The following IL17RA variants were observed in gnomAD, a reference collection of about 807,000 sequenced individuals.
The protein encoded by IL17RA is interleukin-17 receptor A.
IL17RA carries 34 observed loss-of-function variants against 50.4 expected under a neutral mutation model. That is an observed-to-expected ratio of 0.67 (90% confidence interval 0.51 to 0.90). The LOEUF is 0.90. IL17RA is among the 40% of genes least tolerant of loss of function. The probability of loss-of-function intolerance (pLI) is 0.00; values close to 1 mark genes in which losing one functional copy is unlikely to be tolerated. For synonymous variants in IL17RA, 585 were observed against 510.4 expected (o/e 1.15, Z -1.97); for missense variants, 1,276 against 1,169.8 (o/e 1.09, Z -1.32).
At position 17,109,502 on chromosome 22, in the gene IL17RA, C is replaced by G. The variant is rs762259577; in HGVS notation, c.2283C>G (p.Ser761Arg). Residue 761 changes from serine to arginine, a missense_variant, in exon 13 of 13, where the codon AGC becomes AGG. By Grantham distance (110) the Ser-to-Arg change is moderately radical. Transcript: ENST00000319363. ...LMLSLFEQSL[S>R]CQAQGGCSRP... ...TCTCGCTCTTCGAGCAGAGTCTGAG[C>G]TGCCAGGCCCAGGGGGGCTGCAGTA... The G allele has an allele frequency of 5.6e-6, 9 of 1,603,558 alleles. No homozygotes were observed. Among genetic ancestry groups the G allele is most frequent in the Non-Finnish European group, 5.1e-6 (6 of 1,174,906 alleles).
Position 17,103,474 on chromosome 22 carries a change from A to T in IL17RA, c.763-20A>T. 6.2e-7 allele frequency: 1 copy of T among 1,610,182 alleles called. No individual in the cohort carries two copies. Among genetic ancestry groups the T allele is most frequent in the Non-Finnish European group, 8.5e-7 (1 of 1,177,224 alleles). On this transcript the variant is annotated intron_variant, in intron 7 of 12. Transcript: ENST00000319363. Reference sequence around the variant, plus strand: ...TTACCCATCCCAACTAGCCTTACCCATCCTCGCCTCTCTCCTCAGCCCAGA... The same window carrying T: ...TTACCCATCCCAACTAGCCTTACCCTTCCTCGCCTCTCTCCTCAGCCCAGA...
At chr22:17,099,921 G>T (rs1348849290) in intron 4 of IL17RA, among the ~76,000 whole-genome samples, 2 of 152,198 alleles carry the variant, frequency 1.3e-5, no homozygotes, top group African/African-American at 4.8e-5. Flanking sequence ...GTCTCAAGAG[G>T]TTCCTGGCTT....
At chr22:17,088,477 C>CCTGTAAT (rs2123789600) in intron 1 of IL17RA, among the ~76,000 whole-genome samples, 2 of 151,908 alleles carry the variant, frequency 1.3e-5, no homozygotes, top group Admixed American at 1.3e-4. Flanking sequence ...CACCACTACA[C>CCTGTAAT]CCAGCCGATT....
At chr22:17,107,604 G>A in intron 11 of IL17RA, 123 bp from the exon 12 acceptor site, 2 of 824,530 alleles carry the variant, frequency 2.4e-6, no homozygotes, top group Non-Finnish European at 4.3e-6. Context: ...CGGCCTCGCT[G>A]CTCAGTCTCG....
At chr22:17,101,598 G>C (rs2061391571) in intron 5 of IL17RA, among the ~76,000 whole-genome samples, 1 of 152,152 alleles carries the variant, frequency 6.6e-6, no homozygotes, top group Non-Finnish European at 1.5e-5. Flanking sequence ...CTCAGTTCTC[G>C]CTTCTGTTCC....
At chr22:17,101,696 G>A (rs1016831069) in intron 5 of IL17RA, among the ~76,000 whole-genome samples, 6 of 152,218 alleles carry the variant, frequency 3.9e-5, no homozygotes, top group African/African-American at 7.2e-5. Flanking sequence ...AGGGGCAGCC[G>A]GGGACAAGAA....
At chr22:17,101,402 G>A (rs151304114) in intron 5 of IL17RA, among the ~76,000 whole-genome samples, 9 of 152,330 alleles carry the variant, frequency 5.9e-5, no homozygotes, top group South Asian at 4.1e-4. Flanking sequence ...TTATGTCACC[G>A]CGTGTGGCTC....
At chr22:17,087,703 A>G (rs1024588085) in intron 1 of IL17RA, among the ~76,000 whole-genome samples, 23 of 152,232 alleles carry the variant, frequency 1.5e-4, no homozygotes, top group African/African-American at 5.1e-4. Flanking sequence ...CAATAATTGC[A>G]TTTCCCTGGG....
rs767275300 is a variant in IL17RA, at chr22:17,108,481, C to T, written c.1262C>T (p.Ser421Leu). The T allele has an allele frequency of 1.9e-6, 3 of 1,613,428 alleles. No individual in the cohort carries two copies. The highest frequency in any genetic ancestry group is 2.5e-6 in the Non-Finnish European group (3 of 1,180,032). The change falls in exon 13 of 13, where the codon TCG becomes TTG. Residue 421 changes from serine to leucine, a missense_variant. Physicochemically the swap from Ser to Leu is moderately radical, Grantham distance 145. Transcript: ENST00000319363. ...GACCTGCTGGAAGAGCAGGCCATCT[C>T]GGAGGCAGGAGTCATGACCTGGGTG... ...ALDLLEEQAISEAGVMTWVGR... is the reference protein window; with the variant it reads ...ALDLLEEQAILEAGVMTWVGR...
At chr22:17,099,740 C>T (rs1018833912) in intron 4 of IL17RA, among the ~76,000 whole-genome samples, 44 of 152,256 alleles carry the variant, frequency 2.9e-4, no homozygotes, top group Admixed American at 1.4e-3. Context: ...CAAAGGACCC[C>T]GGCCCCTCCA....
At chr22:17,105,722 G>A in intron 10 of IL17RA, 120 bp downstream of exon 10, 2 of 1,387,304 alleles carry the variant, frequency 1.4e-6, no homozygotes, top group Non-Finnish European at 1.0e-6. Context: ...GCCCGGGGTG[G>A]GGGGTGAGAC....
chr22:17,091,278 A>G (rs1327547312), intron 1 of IL17RA, among the ~76,000 whole-genome samples: 3 of 152,100 alleles, frequency 2.0e-5, no homozygotes, highest in Admixed American at 6.5e-5. Context: ...CCTTTTTCTG[A>G]TAATTTGGCT....
At chr22:17,103,665 G>A in intron 8 of IL17RA, 88 bp downstream of exon 8, 1 of 1,053,614 alleles carries the variant, frequency 9.5e-7, no homozygotes, top group Non-Finnish European at 1.4e-6. Context: ...CACAGGTGAA[G>A]AGTGGTGTGG....
rs1352163223 is a variant in IL17RA, at chr22:17,092,461, C to G, written c.139-4601C>G. 2.6e-5 allele frequency among the ~76,000 whole-genome samples: 4 copies of G among 152,256 alleles called. No homozygotes were observed. In the East Asian group the frequency reaches 7.7e-4, roughly 29 times the overall value. ...CACTGGTGTCTAGGGGGTGGGCGGT[C>G]TTGGGGACTGAGCACTCAACCTGTG... On this transcript the variant is annotated intron_variant, in intron 1 of 12. Transcript: ENST00000319363.
Position 17,115,223 on chromosome 22 carries a change from G to A in IL17RA, c.*5403G>A, listed in dbSNP as rs1210875695. On this transcript the variant is annotated 3_prime_UTR_variant, in exon 13 of 13. Transcript: ENST00000319363. Reference sequence around the variant, plus strand: ...TCACCTTATTTTACATCCGCTCCAGGGAGAAATGAAGACATGGTCCTACGT... The same window carrying A: ...TCACCTTATTTTACATCCGCTCCAGAGAGAAATGAAGACATGGTCCTACGT... The A allele has an allele frequency of 2.6e-5, 4 of 152,214 alleles. No homozygotes were observed. 9.4% of individuals were successfully genotyped at this position (152,214 alleles called of 1,614,324 possible). A position where few individuals can be genotyped will look rare whatever the true frequency, so the allele number is the denominator to read the frequency against.
intron 1 of IL17RA, chr22:17,094,076 CAG>C (rs1369479701): frequency 1.3e-5 from 2 of 151,896 alleles, no homozygotes; most frequent in Non-Finnish European, 2.9e-5. Flanking sequence ...CTCTGCCTCC[CAG>C]GTTCAAGCAA....
At chr22:17,085,530 G>A (rs1601333291) in intron 1 of IL17RA, among the ~76,000 whole-genome samples, 1 of 152,274 alleles carries the variant, frequency 6.6e-6, no homozygotes, top group Admixed American at 6.5e-5. Context: ...CCCGGGCCGC[G>A]GAGTTCGGGG....
At position 17,112,275 on chromosome 22, in the gene IL17RA, T is replaced by G. The variant is rs1601353095; in HGVS notation, c.*2455T>G. ...CTACTATCTCCAGGGCAGCTGCCTT[T>G]GTCCTCCTAACAGCTTTATTGGAGT... On this transcript the variant is annotated 3_prime_UTR_variant, in exon 13 of 13. Transcript: ENST00000319363. The G allele has an allele frequency of 6.6e-6, 1 of 152,384 alleles. No homozygotes were observed. Among genetic ancestry groups the G allele is most frequent in the South Asian group, 2.1e-4 (1 of 4,834 alleles). 9.4% of individuals were successfully genotyped at this position (152,384 alleles called of 1,614,324 possible). A position where few individuals can be genotyped will look rare whatever the true frequency, so the allele number is the denominator to read the frequency against.
chr22:17,111,569 T>C lies in IL17RA; in HGVS notation c.*1749T>C, dbSNP rs1168399915. ...ACCTCCTGGGGGTAGGCTAGAGGCT[T>C]CTGGCTTCAGGGTCCTGAAGAACAC... On this transcript the variant is annotated 3_prime_UTR_variant, in exon 13 of 13. Coordinates refer to ENST00000319363, the MANE Select transcript of IL17RA (RefSeq NM_014339.7). 1 of 152,172 alleles carries C rather than the reference T, an allele frequency of 6.6e-6. No homozygotes were observed. The highest frequency in any genetic ancestry group is 1.5e-5 in the Non-Finnish European group (1 of 68,036). 9.4% of individuals were successfully genotyped at this position (152,172 alleles called of 1,614,324 possible).
Sources: gnomAD v4.1 joint callset for allele counts (sites outside exome capture counted in the v4.1 genomes callset) on GRCh38, gnomAD v4.1.1 for gene constraint, MANE v1.5 for transcripts, NCBI Gene and HGNC (gene_info 2026-07-23, HGNC 2026-07-21) for gene names.